Variants in FILIP1L observed in about 807,000 individuals in gnomAD.
FILIP1L encodes the protein filamin A interacting protein 1 like.
FILIP1L carries 55 observed loss-of-function variants against 96.6 expected under a neutral mutation model. The observed-to-expected ratio is 0.57, with a 90% CI of 0.46 to 0.71. FILIP1L has a LOEUF of 0.71. Ranked by LOEUF, FILIP1L falls within the 30% of genes least tolerant of loss-of-function variation. The pLI, the probability that FILIP1L is intolerant of heterozygous loss-of-function variation, is 0.00. For synonymous variants in FILIP1L, 467 were observed against 473.9 expected, an observed-to-expected ratio of 0.99 and a Z score of 0.19; for missense variants, 1,304 against 1,321.2, an observed-to-expected ratio of 0.99 and a Z score of 0.20.
intron 1 of FILIP1L, among the ~76,000 whole-genome samples, chr3:100,022,820 C>CA (rs1228721690): frequency 2.6e-5 from 4 of 152,098 alleles, no homozygotes; most frequent in African/African-American, 9.7e-5. Context: ...CCTCAAGAGG[C>CA]AAAGAGAGTT....
At chr3:99,880,215 C>T (rs1705676576) in intron 4 of FILIP1L, among the ~76,000 whole-genome samples, 1 of 152,110 alleles carries the variant, frequency 6.6e-6, no homozygotes, top group Non-Finnish European at 1.5e-5. Context: ...TTCTAATCAA[C>T]CTCATTTCTT....
At position 99,929,890 on chromosome 3, in the gene FILIP1L, C is replaced by G; in HGVS notation, c.392G>C (p.Trp131Ser). Reference protein sequence around the residue: ...RDAFQAKSTPWQEDIYEKPMN... With the variant: ...RDAFQAKSTPSQEDIYEKPMN... ...TGGTTTCTCATAGATGTCCTCCTGC[C>G]AAGGGGTAGATTTCGCTTGAAAAGC... The change falls in exon 3 of 6, where the codon TGG (tryptophan) becomes TCG (serine). Residue 131 changes from tryptophan to serine, a missense_variant. Physicochemically the swap from Trp to Ser is radical, Grantham distance 177. Coordinates refer to ENST00000477258, the MANE Select transcript of FILIP1L (RefSeq NM_001387850.1). 6.2e-7 allele frequency: 1 copy of G among 1,613,718 alleles called. No homozygotes were observed.
chr3:99,947,265 G>C (rs1194454009), intron 1 of FILIP1L, among the ~76,000 whole-genome samples: 7 of 151,474 alleles, frequency 4.6e-5, no homozygotes, highest in African/African-American at 7.3e-5. Flanking sequence ...CTTTTGTATA[G>C]TTTCCCATAG....
chr3:100,015,557 CACA>C (rs1710317334), intron 1 of FILIP1L, among the ~76,000 whole-genome samples: 1 of 152,148 alleles, frequency 6.6e-6, no homozygotes, highest in Non-Finnish European at 1.5e-5. Flanking sequence ...ATATTTTTTA[CACA>C]TTCTTGGTTT....
chr3:99,981,597 A>T (rs1003516387), intron 1 of FILIP1L, among the ~76,000 whole-genome samples: 9 of 152,184 alleles, frequency 5.9e-5, no homozygotes, highest in Non-Finnish European at 1.2e-4. Flanking sequence ...TTTAATGCAG[A>T]TTTAATGTAT....
intron 5 of FILIP1L, among the ~76,000 whole-genome samples, chr3:99,833,622 G>C (rs908028207): frequency 6.6e-6 from 1 of 152,200 alleles, no homozygotes; most frequent in Admixed American, 6.5e-5. Context: ...AATTAATTTT[G>C]TAAGTGCTTT....
intron 5 of FILIP1L, among the ~76,000 whole-genome samples, chr3:99,834,715 T>C (rs1017712893): frequency 6.6e-6 from 1 of 152,150 alleles, no homozygotes; most frequent in Non-Finnish European, 1.5e-5. Flanking sequence ...TGCACCCACT[T>C]AATTGTTTTA....
chr3:99,910,481 AAC>A (rs1457052819), intron 4 of FILIP1L, among the ~76,000 whole-genome samples: 1 of 136,724 alleles, frequency 7.3e-6, no homozygotes, highest in African/African-American at 2.5e-5. Context: ...AAAGTAAACA[AAC>A]ACATGTCTTC....
intron 1 of FILIP1L, among the ~76,000 whole-genome samples, chr3:100,073,138 A>G (rs1209357998): frequency 6.6e-6 from 1 of 152,244 alleles, no homozygotes. Context: ...ATATTATAGA[A>G]CAGGGGAGAA....
chr3:100,010,214 A>G (rs1352290824), intron 1 of FILIP1L: 1 of 742,196 alleles, frequency 1.3e-6, no homozygotes, highest in Non-Finnish European at 1.6e-6. Context: ...AATGATGTAA[A>G]CTGTCATTTT....
chr3:100,014,708 G>A (rs567743262), intron 1 of FILIP1L, among the ~76,000 whole-genome samples: 1 of 150,244 alleles, frequency 6.7e-6, no homozygotes, highest in African/African-American at 2.4e-5. Context: ...AGTTCTTTGA[G>A]TTCCCTATAT....
intron 1 of FILIP1L, among the ~76,000 whole-genome samples, chr3:99,944,520 A>G (rs1707949641): frequency 6.6e-6 from 1 of 152,224 alleles, no homozygotes; most frequent in South Asian, 2.1e-4. Flanking sequence ...CACTTTGTGC[A>G]CACTAAATCG....
In FILIP1L at chr3:99,856,098, G is replaced by GCTGCTCTGCT. The variant is rs71130096; in HGVS notation, c.606-5038_606-5029dup. On this transcript the variant is annotated intron_variant, in intron 4 of 5. Coordinates refer to ENST00000477258, the MANE Select transcript of FILIP1L (RefSeq NM_001387850.1). ...TGAACCTGTTGCTGCTGCTGCTCTT[G>GCTGCTCTGCT]CTGCTCTGCTCTGCTCTGCTCTGCT... Among the ~76,000 whole-genome samples the GCTGCTCTGCT allele has an allele frequency of 1.2e-3, 181 of 151,350 alleles. 1 individual carries two copies. The highest frequency in any genetic ancestry group is 1.6e-3 in the Non-Finnish European group (106 of 67,792).
At chr3:100,084,529 A>C (rs546679803) in intron 1 of FILIP1L, among the ~76,000 whole-genome samples, 94 of 152,326 alleles carry the variant, frequency 6.2e-4, no homozygotes, top group South Asian at 1.7e-3. Context: ...GCCACTAAAA[A>C]CGGGAAAACA....
intron 1 of FILIP1L, among the ~76,000 whole-genome samples, chr3:100,032,872 C>G (rs1219696717): frequency 1.3e-5 from 2 of 152,094 alleles, no homozygotes; most frequent in African/African-American, 4.8e-5. Flanking sequence ...TTGCTGCCAC[C>G]TAACATACAT....
At chr3:99,861,869 G>A (rs1232979848) in intron 4 of FILIP1L, among the ~76,000 whole-genome samples, 1 of 152,146 alleles carries the variant, frequency 6.6e-6, no homozygotes, top group Non-Finnish European at 1.5e-5. Context: ...TCTGTCTAGT[G>A]TGACTTGAGC....
rs151028445 is a variant in FILIP1L, at chr3:99,980,595, G to T, written c.-10-49565C>A. On this transcript the variant is annotated intron_variant, in intron 1 of 5. Coordinates refer to ENST00000477258, the MANE Select transcript of FILIP1L (RefSeq NM_001387850.1). Reference sequence around the variant, plus strand: ...ACTTAAGAAAAATTTAAAAATTACTGGCTTTCAGCAGTTTTTAGATTTCAG... The same window carrying T: ...ACTTAAGAAAAATTTAAAAATTACTTGCTTTCAGCAGTTTTTAGATTTCAG... Among the ~76,000 whole-genome samples the T allele has an allele frequency of 4.0e-3, 610 of 152,218 alleles. 2 individuals carry two copies. Among genetic ancestry groups the T allele is most frequent in the Non-Finnish European group, 5.4e-3 (367 of 68,024 alleles).
chr3:99,853,779 C>A (rs1241080305), intron 4 of FILIP1L, among the ~76,000 whole-genome samples: 1 of 152,198 alleles, frequency 6.6e-6, no homozygotes, highest in East Asian at 1.9e-4. Flanking sequence ...TTTTCTTGGG[C>A]CACTCTCATG....
chr3:99,891,894 G>A (rs1706093428), intron 4 of FILIP1L, among the ~76,000 whole-genome samples: 1 of 152,008 alleles, frequency 6.6e-6, no homozygotes, highest in Non-Finnish European at 1.5e-5. Flanking sequence ...GTCATTCTTA[G>A]GTCTACATAT....
Sources: allele counts gnomAD v4.1 joint callset (sites outside exome capture counted in the v4.1 genomes callset), GRCh38; gene constraint gnomAD v4.1.1; transcripts MANE v1.5; gene names NCBI Gene and HGNC (gene_info 2026-07-23, HGNC 2026-07-21).